Variants in ATP6V1H observed in about 807,000 individuals in gnomAD.
ATP6V1H encodes V-type proton ATPase subunit H.
ATP6V1H carries 39 observed loss-of-function variants against 71.7 expected under a neutral mutation model. The observed-to-expected ratio is 0.54, with a 90% confidence interval of 0.42 to 0.71. The LOEUF (loss-of-function observed/expected upper bound fraction) is 0.71, where lower values mean the gene tolerates loss of function less well. Among genes scored for constraint, ATP6V1H ranks in the 30% least tolerant of loss-of-function variants. The probability of loss-of-function intolerance (pLI) is 0.00; values close to 1 mark genes in which losing one functional copy is unlikely to be tolerated. For missense variants in ATP6V1H, 509 were observed against 594.9 expected (o/e 0.86, Z 1.50); for synonymous variants, 192 against 199.3 (o/e 0.96, Z 0.31).
chr8:53,797,552 C>T (rs975033941), intron 8 of ATP6V1H, among the ~76,000 whole-genome samples: 6 of 152,188 alleles, frequency 3.9e-5, no homozygotes, highest in African/African-American at 1.4e-4. Context: ...TAAATTTCAG[C>T]TGTACTCAGC....
intron 12 of ATP6V1H, among the ~76,000 whole-genome samples, chr8:53,755,364 C>T (rs757091011): frequency 9.4e-4 from 143 of 151,780 alleles, no homozygotes; most frequent in Non-Finnish European, 1.6e-3. Flanking sequence ...TCTGAAAGGG[C>T]CAAGTACAAA....
intron 11 of ATP6V1H, among the ~76,000 whole-genome samples, chr8:53,759,087 C>A (rs1808173568): frequency 6.6e-6 from 1 of 152,204 alleles, no homozygotes; most frequent in African/African-American, 2.4e-5. Flanking sequence ...TAATCTAGGA[C>A]TACTGAATTA....
chr8:53,768,329 T>C (rs868779349), intron 11 of ATP6V1H, among the ~76,000 whole-genome samples: 1 of 152,162 alleles, frequency 6.6e-6, no homozygotes, highest in Non-Finnish European at 1.5e-5. Context: ...TCATTCACTG[T>C]TGGTGGGAAC....
At chr8:53,840,755 C>G (rs898789674) in intron 2 of ATP6V1H, among the ~76,000 whole-genome samples, 15 of 152,126 alleles carry the variant, frequency 9.9e-5, no homozygotes, top group African/African-American at 3.6e-4. Flanking sequence ...AAAATTAACA[C>G]TAATATAAAA....
chr8:53,780,956 T>C lies in ATP6V1H; in HGVS notation c.871-8789A>G, dbSNP rs573238381. 3.3e-5 allele frequency among the ~76,000 whole-genome samples: 5 copies of C among 152,306 alleles called. No individual in the cohort carries two copies. In the South Asian group the frequency reaches 1.0e-3, roughly 32 times the overall value. On this transcript the variant is annotated intron_variant, in intron 9 of 13. Transcript: ENST00000359530. ...AGTCTATCATTGTTGGACATCTGGG[T>C]TGGTTCCAAGTCTTTGCTATTGTGA...
chr8:53,738,289 T>A (rs1169473875), intron 13 of ATP6V1H, among the ~76,000 whole-genome samples: 1 of 133,962 alleles, frequency 7.5e-6, no homozygotes, highest in Non-Finnish European at 1.5e-5. Context: ...AGTGCGAGAC[T>A]CTGCCTCAAA....
At chr8:53,812,501 G>A (rs551663004) in intron 6 of ATP6V1H, among the ~76,000 whole-genome samples, 277 of 152,280 alleles carry the variant, frequency 1.8e-3, no homozygotes, top group Non-Finnish European at 3.5e-3. Flanking sequence ...AGAAGTGACA[G>A]TCACCTGAGA....
At chr8:53,755,062 A>T (rs1807955059) in intron 12 of ATP6V1H, among the ~76,000 whole-genome samples, 1 of 152,190 alleles carries the variant, frequency 6.6e-6, no homozygotes. Context: ...GCCATGGTAT[A>T]GCAGTGAGAG....
chr8:53,787,180 A>G (rs1000997411), intron 9 of ATP6V1H, among the ~76,000 whole-genome samples: 2 of 152,188 alleles, frequency 1.3e-5, no homozygotes, highest in African/African-American at 2.4e-5. Flanking sequence ...GTATTAAAGG[A>G]CTCACCCCAA....
chr8:53,729,803 C>CT (rs1806954607), intron 13 of ATP6V1H, among the ~76,000 whole-genome samples: 1 of 152,216 alleles, frequency 6.6e-6, no homozygotes, highest in Non-Finnish European at 1.5e-5. Context: ...TGTGGAAGTC[C>CT]TTCAAAGTCC....
At chr8:53,738,332 C>T (rs998628471) in intron 13 of ATP6V1H, among the ~76,000 whole-genome samples, 1 of 151,326 alleles carries the variant, frequency 6.6e-6, no homozygotes, top group Non-Finnish European at 1.5e-5. Flanking sequence ...TGCACACACA[C>T]ACACAAAGCC....
At chr8:53,734,854 T>C (rs777280548) in intron 13 of ATP6V1H, among the ~76,000 whole-genome samples, 7 of 152,030 alleles carry the variant, frequency 4.6e-5, no homozygotes, top group Admixed American at 2.0e-4. Flanking sequence ...AAAGGACTTT[T>C]GCCAGACAGA....
chr8:53,821,169 G>C (rs1480697983), intron 4 of ATP6V1H, among the ~76,000 whole-genome samples: 1 of 151,388 alleles, frequency 6.6e-6, no homozygotes, highest in African/African-American at 2.4e-5. Context: ...TCATGAGTTT[G>C]AGACCACCCT....
chr8:53,756,491 CATT>C, intron 12 of ATP6V1H, 61 bp downstream of exon 12: 2 of 1,225,720 alleles, frequency 1.6e-6, no homozygotes, highest in Non-Finnish European at 2.3e-6. Flanking sequence ...TAGATAAGTA[CATT>C]ATTTAGGACT....
chr8:53,760,721 G>A (rs1274502968), intron 11 of ATP6V1H, among the ~76,000 whole-genome samples: 1 of 152,090 alleles, frequency 6.6e-6, no homozygotes, highest in African/African-American at 2.4e-5. Context: ...ACTCCCTTCT[G>A]GGCCAAGGGG....
intron 11 of ATP6V1H, among the ~76,000 whole-genome samples, chr8:53,763,599 C>T (rs773215732): frequency 7.9e-5 from 12 of 152,030 alleles, no homozygotes; most frequent in Non-Finnish European, 1.5e-4. Context: ...TGTTAAGGGA[C>T]CCAGATAGCC....
intron 6 of ATP6V1H, among the ~76,000 whole-genome samples, chr8:53,814,437 A>T (rs1052351029): frequency 6.6e-6 from 1 of 152,116 alleles, no homozygotes; most frequent in African/African-American, 2.4e-5. Context: ...TGACTAAGAA[A>T]CCCCAAGTGG....
intron 13 of ATP6V1H, among the ~76,000 whole-genome samples, chr8:53,742,107 C>G (rs1263978126): frequency 6.6e-6 from 1 of 152,236 alleles, no homozygotes; most frequent in African/African-American, 2.4e-5. Flanking sequence ...CAAGGCCCTA[C>G]ACGATCAGGT....
intron 13 of ATP6V1H, among the ~76,000 whole-genome samples, chr8:53,738,146 A>T (rs1266809788): frequency 6.6e-6 from 1 of 152,266 alleles, no homozygotes; most frequent in East Asian, 1.9e-4. Flanking sequence ...AAATATAAAA[A>T]ATTAGCTGGG....
Sources: allele counts gnomAD v4.1 joint callset (sites outside exome capture counted in the v4.1 genomes callset), GRCh38; gene constraint gnomAD v4.1.1; transcripts MANE v1.5; gene names NCBI Gene and HGNC (gene_info 2026-07-23, HGNC 2026-07-21).